Variants in FBXL2 observed in about 807,000 individuals in gnomAD.
FBXL2 encodes the protein F-box and leucine rich repeat protein 2.
FBXL2 carries 38 observed loss-of-function variants against 69.2 expected under a neutral mutation model. The observed-to-expected ratio is 0.55, with a 90% CI of 0.42 to 0.72. The LOEUF is 0.72. Among genes scored for constraint, FBXL2 ranks in the 30% least tolerant of loss-of-function variants. FBXL2 has a pLI of 0.00. For synonymous variants in FBXL2, 192 were observed against 201.3 expected, an observed-to-expected ratio of 0.95 and a Z score of 0.39; for missense variants, 354 against 520.3, an observed-to-expected ratio of 0.68 and a Z score of 3.11.
At chr3:33,370,803 A>G (rs78512477) in intron 5 of FBXL2, among the ~76,000 whole-genome samples, 2,141 of 152,128 alleles carry the variant, frequency 0.014, 32 homozygotes, top group Middle Eastern at 0.082. Context: ...GTTTTGATCA[A>G]TTTGGTTATT....
chr3:33,293,903 A>T (rs563996234), intron 1 of FBXL2, among the ~76,000 whole-genome samples: 3 of 152,320 alleles, frequency 2.0e-5, no homozygotes, highest in Non-Finnish European at 4.4e-5. Flanking sequence ...CACTTAACCC[A>T]ATCACACCAG....
chr3:33,402,763 T>C (rs1360557859), intron 12 of FBXL2: 1 of 1,406,718 alleles, frequency 7.1e-7, no homozygotes, highest in African/African-American at 1.5e-5. Flanking sequence ...ACATGAGCAT[T>C]AGTTAGCTGC....
At chr3:33,307,643 G>A (rs763979553) in intron 2 of FBXL2, among the ~76,000 whole-genome samples, 2 of 151,798 alleles carry the variant, frequency 1.3e-5, no homozygotes, top group East Asian at 1.9e-4. Flanking sequence ...AAGGGTAAAC[G>A]GGCATCATGT....
intron 3 of FBXL2, 111 bp downstream of exon 3, chr3:33,359,132 CAT>C (rs1254058617): frequency 2.6e-5 from 23 of 889,256 alleles, no homozygotes; most frequent in African/African-American, 1.7e-5. Flanking sequence ...CTTAATATAA[CAT>C]AATGGTATAA....
chr3:33,385,587 C>T lies in FBXL2; in HGVS notation c.1251C>T (p.Cys417=). ...TGGCAGGAAGTGGACAGCGACTGTG[C>T]AGGTGCTGTGTCATTCTCTGACAGC... ...TAVAGSGQRL[C]RCCVIL The change falls in exon 15 of 15, where the codon TGC becomes TGT. Residue 417 remains cysteine (C), a synonymous_variant. Transcript: ENST00000484457. 1.2e-6 allele frequency: 2 copies of T among 1,614,052 alleles called. No individual in the cohort carries two copies. The highest frequency in any genetic ancestry group is 1.7e-6 in the Non-Finnish European group (2 of 1,179,964).
At position 33,356,468 on chromosome 3, in the gene FBXL2, G is replaced by C. The variant is rs187226966; in HGVS notation, c.66-2499G>C. On this transcript the variant is annotated intron_variant, in intron 2 of 14. Transcript: ENST00000484457. ...GGGTTCAAGCGATTCTCCTGCCTCA[G>C]CCTCCTAAGTAACTGGGACTACAGG... 4.1e-4 allele frequency among the ~76,000 whole-genome samples: 62 copies of C among 152,242 alleles called. 1 individual carries two copies. The East Asian group carries it at 0.011, about 27-fold the overall frequency.
rs1160172174 is a variant in FBXL2 at position 33,386,994 on chromosome 3, ATATAT to A, written c.*1390_*1394del. The A allele has an allele frequency of 3.3e-5, 5 of 152,180 alleles. No individual in the cohort carries two copies. Among genetic ancestry groups the A allele is most frequent in the Non-Finnish European group, 7.3e-5 (5 of 68,036 alleles). The allele number at this position is 152,180 out of a possible 1,614,324, so 9.4% of individuals were successfully genotyped here. A position where few individuals can be genotyped will look rare whatever the true frequency, so the allele number is the denominator to read the frequency against. On this transcript the variant is annotated 3_prime_UTR_variant, in exon 15 of 15. Transcript: ENST00000484457. The stretch of plus-strand genomic sequence containing the variant: ...GGCAGTTTTAGAAGTGTTTTTAAGG[ATATAT>A]TATGTCAGCTGCATTCTAGGAAGAG...
chr3:33,319,250 A>G (rs1217723830), intron 2 of FBXL2, among the ~76,000 whole-genome samples: 1 of 146,328 alleles, frequency 6.8e-6, no homozygotes, highest in Non-Finnish European at 1.5e-5. Flanking sequence ...CCTAAGGATG[A>G]TTTTTTTTTT....
chr3:33,332,258 T>C (rs564501324), intron 2 of FBXL2, among the ~76,000 whole-genome samples: 4 of 152,330 alleles, frequency 2.6e-5, no homozygotes, highest in Non-Finnish European at 5.9e-5. Flanking sequence ...ATATTTTCCA[T>C]GTGCCAATGG....
intron 1 of FBXL2, among the ~76,000 whole-genome samples, chr3:33,290,254 A>G (rs903732178): frequency 6.6e-6 from 1 of 152,238 alleles, no homozygotes; most frequent in Non-Finnish European, 1.5e-5. Flanking sequence ...CTAACACTAC[A>G]ATCTCAAACC....
chr3:33,421,250 T>G, the FBXL2 span, among the ~76,000 whole-genome samples: 2 of 150,674 alleles, frequency 1.3e-5, no homozygotes, highest in Non-Finnish European at 2.9e-5. Context: ...CTCCTCTTCT[T>G]ATTCAGGCAT....
At chr3:33,280,992 G>A (rs905439843) in intron 1 of FBXL2, among the ~76,000 whole-genome samples, 1 of 152,130 alleles carries the variant, frequency 6.6e-6, no homozygotes, top group Non-Finnish European at 1.5e-5. Context: ...AGCAGAAGAT[G>A]GAGGGAACAC....
intron 1 of FBXL2, among the ~76,000 whole-genome samples, chr3:33,283,024 T>C (rs928737700): frequency 2.0e-5 from 3 of 152,214 alleles, no homozygotes; most frequent in Non-Finnish European, 4.4e-5. Flanking sequence ...CTTTTCCTAA[T>C]TGAATACTCT....
At chr3:33,299,334 G>T (rs940573457) in intron 2 of FBXL2, among the ~76,000 whole-genome samples, 3 of 152,108 alleles carry the variant, frequency 2.0e-5, no homozygotes, top group Non-Finnish European at 2.9e-5. Context: ...GAGCCACTGC[G>T]CCCGGCCGGA....
At chr3:33,413,818 A>G in the FBXL2 span, among the ~76,000 whole-genome samples, 1 of 152,072 alleles carries the variant, frequency 6.6e-6, no homozygotes, top group Non-Finnish European at 1.5e-5. Context: ...ATTACCCAGC[A>G]CCCACTTCAC....
chr3:33,370,676 C>A (rs2042241773), intron 5 of FBXL2, among the ~76,000 whole-genome samples: 1 of 152,032 alleles, frequency 6.6e-6, no homozygotes, highest in Non-Finnish European at 1.5e-5. Flanking sequence ...AGTGCAGTGG[C>A]ACCACCTTGG....
chr3:33,414,086 CTAAAA>C, the FBXL2 span: 1 of 130,042 alleles, frequency 7.7e-6, no homozygotes. Context: ...GAAGGTTGGA[CTAAAA>C]TACTAAAGAT....
chr3:33,311,358 C>T (rs563539224), intron 2 of FBXL2, among the ~76,000 whole-genome samples: 25 of 152,178 alleles, frequency 1.6e-4, no homozygotes, highest in South Asian at 6.2e-4. Context: ...GCTTTCTACC[C>T]GCCCCCACTT....
intron 2 of FBXL2, among the ~76,000 whole-genome samples, chr3:33,312,200 G>A (rs1016314088): frequency 7.9e-5 from 12 of 151,960 alleles, no homozygotes; most frequent in African/African-American, 2.9e-4. Flanking sequence ...GGGACCACAG[G>A]AGCGTGCCAC....
Sources: gnomAD v4.1 joint callset for allele counts (sites outside exome capture counted in the v4.1 genomes callset) on GRCh38, gnomAD v4.1.1 for gene constraint, MANE v1.5 for transcripts, NCBI Gene and HGNC (gene_info 2026-07-23, HGNC 2026-07-21) for gene names.